The following MPRIP variants were observed in gnomAD, a reference collection of about 807,000 sequenced individuals.
MPRIP encodes myosin phosphatase Rho interacting protein, also known as myosin phosphatase Rho-interacting protein.
A neutral mutation model predicts 234.9 loss-of-function variants in MPRIP; 59 were observed. The observed-to-expected ratio is 0.25, with a 90% CI of 0.20 to 0.31. MPRIP has a LOEUF of 0.31. Among genes scored for constraint, MPRIP ranks in the 10% least tolerant of loss-of-function variants. MPRIP has a pLI of 1.00. For missense variants in MPRIP, 2,436 were observed against 3,071.0 expected, an observed-to-expected ratio of 0.79 and a Z score of 4.89; for synonymous variants, 1,144 against 1,263.9, an observed-to-expected ratio of 0.91 and a Z score of 2.01.
chr17:17,042,676 T>C lies in MPRIP; in HGVS notation c.-173T>C. 1.5e-6 allele frequency: 1 copy of C among 659,180 alleles called. No individual in the cohort carries two copies. Among genetic ancestry groups the C allele is most frequent in the Non-Finnish European group, 1.9e-6 (1 of 535,666 alleles). 40.8% of individuals were successfully genotyped at this position (659,180 alleles called of 1,614,324 possible). A position where few individuals can be genotyped will look rare whatever the true frequency, so the allele number is the denominator to read the frequency against. The stretch of plus-strand genomic sequence containing the variant: ...GCGCGCGCTGTGAGGCCCGGGCGGC[T>C]CAGGAGCCTCGGCGCGTGCAGCGAA... On this transcript the variant is annotated 5_prime_UTR_variant, in exon 1 of 24. Coordinates refer to ENST00000651222, the MANE Select transcript of MPRIP (RefSeq NM_001364716.4).
At chr17:17,057,663 C>T (rs1467294757) in intron 1 of MPRIP, 8 of 717,952 alleles carry the variant, frequency 1.1e-5, no homozygotes, top group South Asian at 1.5e-5. Context: ...TGAAATGAAA[C>T]GTGGAGCTCA....
Position 17,042,503 on chromosome 17 carries a change from CCGAGGGCAGCTGCGGCGGCGCGGA to C in MPRIP, c.-341_-318del, listed in dbSNP as rs1157901352. On this transcript the variant is annotated 5_prime_UTR_variant, in exon 1 of 24. Transcript: ENST00000651222. ...TCCCATTTGCAGCGGCCGCGGGGCG[CCGAGGGCAGCTGCGGCGGCGCGGA>C]CGAGCCGGGACGGCGGCGACCGGAG... 3 of 146,450 alleles carry C rather than the reference CCGAGGGCAGCTGCGGCGGCGCGGA, an allele frequency of 2.0e-5. No individual in the cohort carries two copies. The highest frequency in any genetic ancestry group is 7.3e-5 in the African/African-American group (3 of 40,866). 9.1% of individuals were successfully genotyped at this position (146,450 alleles called of 1,614,324 possible).
chr17:17,050,503 G>C (rs541477876), intron 1 of MPRIP, among the ~76,000 whole-genome samples: 1 of 152,054 alleles, frequency 6.6e-6, no homozygotes, highest in East Asian at 1.9e-4. Flanking sequence ...GCCGCTGCCC[G>C]CAGTCCTGGT....
At chr17:17,090,148 A>C (rs1249463512) in intron 3 of MPRIP, among the ~76,000 whole-genome samples, 3 of 152,208 alleles carry the variant, frequency 2.0e-5, no homozygotes, top group Non-Finnish European at 4.4e-5. Context: ...GTTGCAGACC[A>C]AGACCTTGGG....
rs1489168598 is a variant in MPRIP, at chr17:17,138,654, T to C, written c.1250+225T>C. On this transcript the variant is annotated intron_variant, in intron 7 of 23. Transcript: ENST00000651222. The surrounding 1 kb of genome is among the most constrained non-coding windows in gnomAD (Gnocchi z 5.8). ...GAGCATCAGAGGTCGACGCCAAGAA[T>C]AGCAGTTTTCACATCAGTGCCTCCT... 6.6e-6 allele frequency among the ~76,000 whole-genome samples: 1 copy of C among 152,244 alleles called. No individual in the cohort carries two copies. The highest frequency in any genetic ancestry group is 2.4e-5 in the African/African-American group (1 of 41,470).
intron 1 of MPRIP, among the ~76,000 whole-genome samples, chr17:17,051,733 G>A (rs1160239455): frequency 6.6e-6 from 1 of 152,238 alleles, no homozygotes; most frequent in East Asian, 1.9e-4. Context: ...AGCACCTAGG[G>A]GGTTGATTCA....
chr17:17,044,876 T>G (rs1567677145), intron 1 of MPRIP, among the ~76,000 whole-genome samples: 1 of 152,194 alleles, frequency 6.6e-6, no homozygotes, highest in African/African-American at 2.4e-5. Flanking sequence ...ACTGGAATGG[T>G]AGTTTCTGAA....
chr17:17,098,101 C>G (rs973079962), intron 3 of MPRIP, among the ~76,000 whole-genome samples: 1 of 152,080 alleles, frequency 6.6e-6, no homozygotes, highest in African/African-American at 2.4e-5. Flanking sequence ...CTGGGGGTGT[C>G]CTGCTGGGGC....
At chr17:17,153,595 G>A (rs572136962) in intron 12 of MPRIP, among the ~76,000 whole-genome samples, 7 of 151,312 alleles carry the variant, frequency 4.6e-5, no homozygotes, top group Non-Finnish European at 8.9e-5. Flanking sequence ...CACAAGCACC[G>A]AGGACAAGCC....
intron 2 of MPRIP, 24 bp from the exon 3 acceptor site, chr17:17,077,987 C>T (rs1222102952): frequency 6.2e-7 from 1 of 1,613,860 alleles, no homozygotes; most frequent in South Asian, 1.1e-5. Flanking sequence ...TCCTCCTAAC[C>T]ACCCACCTTG....
At chr17:17,072,179 G>T (rs777586304) in intron 1 of MPRIP, among the ~76,000 whole-genome samples, 9 of 152,228 alleles carry the variant, frequency 5.9e-5, no homozygotes, top group Non-Finnish European at 1.2e-4. Flanking sequence ...TGCGGGGGAG[G>T]ATGCAGCAGT....
At chr17:17,050,047 G>GA (rs1477722510) in intron 1 of MPRIP, among the ~76,000 whole-genome samples, 3 of 152,206 alleles carry the variant, frequency 2.0e-5, no homozygotes, top group African/African-American at 7.2e-5. Flanking sequence ...ATTAGTCGGG[G>GA]CCGGGCACAG....
Position 17,171,703 on chromosome 17 carries a change from T to C in MPRIP, c.6325-15T>C. The stretch of plus-strand genomic sequence containing the variant: ...TAAAGAAAGAAGTCGATGAAGTCCC[T>C]TTTGCATTTTGCAGGCCACGTGCGA... On this transcript the variant is annotated splice_polypyrimidine_tract_variant and intron_variant, in intron 16 of 23. Transcript: ENST00000651222. 2 of 1,605,880 alleles carry C rather than the reference T, an allele frequency of 1.2e-6. No homozygotes were observed. Among genetic ancestry groups the C allele is most frequent in the South Asian group, 1.1e-5 (1 of 89,662 alleles).
intron 3 of MPRIP, among the ~76,000 whole-genome samples, chr17:17,086,996 G>A (rs928838879): frequency 6.6e-6 from 1 of 152,272 alleles, no homozygotes; most frequent in African/African-American, 2.4e-5. Context: ...TCTTGGACCC[G>A]GAACTGTTAG....
chr17:17,172,638 C>G (rs954191317), intron 17 of MPRIP, 60 bp from the exon 18 acceptor site: 9 of 1,388,946 alleles, frequency 6.5e-6, no homozygotes, highest in Middle Eastern at 2.5e-4. Flanking sequence ...TCCCCACCCC[C>G]ACCCCTGTCA....
At chr17:17,105,334 C>G (rs1218929124) in intron 3 of MPRIP, among the ~76,000 whole-genome samples, 1 of 152,226 alleles carries the variant, frequency 6.6e-6, no homozygotes, top group African/African-American at 2.4e-5. Context: ...CAACAGTCTC[C>G]TAAGAGTCCA....
chr17:17,165,352 C>T lies in MPRIP; in HGVS notation c.3761C>T (p.Ala1254Val), dbSNP rs2045961067. The change falls in exon 16 of 24, where the codon GCA becomes GTA. Residue 1254 changes from alanine (A) to valine (V), a missense_variant. Coordinates refer to ENST00000651222, the MANE Select transcript of MPRIP (RefSeq NM_001364716.4). ...GGCCAACCAGTCCAAGCCACTAGGG[C>T]ACCTCTAGGCCTCCCACACACAAGG... Reference protein sequence around the residue: ...LPGQPVQATRAPLGLPHTRLE... With the variant: ...LPGQPVQATRVPLGLPHTRLE... 4.6e-6 allele frequency: 6 copies of T among 1,304,158 alleles called. No homozygotes were observed. The highest frequency in any genetic ancestry group is 6.1e-6 in the Non-Finnish European group (6 of 988,960). The allele number at this position is 1,304,158 out of a possible 1,614,324, so 80.8% of individuals were successfully genotyped here. A position where few individuals can be genotyped will look rare whatever the true frequency, so the allele number is the denominator to read the frequency against.
At chr17:17,055,109 A>G (rs888425393) in intron 1 of MPRIP, among the ~76,000 whole-genome samples, 1 of 151,652 alleles carries the variant, frequency 6.6e-6, no homozygotes, top group Admixed American at 6.6e-5. Flanking sequence ...GCCAGGCTTC[A>G]TCAGCTTAGG....
chr17:17,081,689 C>T (rs921484507), intron 3 of MPRIP, among the ~76,000 whole-genome samples: 9 of 152,162 alleles, frequency 5.9e-5, no homozygotes, highest in African/African-American at 1.9e-4. Flanking sequence ...CCTTTCTGCT[C>T]GGGGACTTCT....
Sources: allele counts gnomAD v4.1 joint callset (sites outside exome capture counted in the v4.1 genomes callset), GRCh38; gene constraint gnomAD v4.1.1; non-coding constraint Gnocchi (gnomAD v3.1); transcripts MANE v1.5; gene names NCBI Gene and HGNC (gene_info 2026-07-23, HGNC 2026-07-21).